Variants in PPP1R16B observed in about 807,000 individuals in gnomAD.
PPP1R16B encodes protein phosphatase 1 regulatory subunit 16B, also known as protein phosphatase 1 regulatory inhibitor subunit 16B.
Under a neutral mutation model 61.7 loss-of-function variants are expected in PPP1R16B, and 14 were observed. The observed-to-expected ratio is 0.23, with a 90% confidence interval of 0.15 to 0.35. PPP1R16B has a LOEUF of 0.35. Ranked by LOEUF, PPP1R16B falls within the 10% of genes least tolerant of loss-of-function variation. The pLI is 1.00. For missense variants in PPP1R16B, 547 were observed against 752.5 expected (o/e 0.73, Z 3.19); for synonymous variants, 266 against 305.3 (o/e 0.87, Z 1.34).
Position 38,835,812 on chromosome 20 carries a change from C to CT in PPP1R16B, c.-101-12dup. On this transcript the variant is annotated splice_polypyrimidine_tract_variant and intron_variant, in intron 1 of 10. Transcript: ENST00000299824. The stretch of plus-strand genomic sequence containing the variant: ...GACACATGTGTTCATCTGTGTCTCC[C>CT]TCCCTGCCACAGGCCACACCATGAG... 1 of 1,268,694 alleles carries CT rather than the reference C, an allele frequency of 7.9e-7. No individual in the cohort carries two copies. Among genetic ancestry groups the CT allele is most frequent in the South Asian group, 1.5e-5 (1 of 64,520 alleles). 78.6% of individuals were successfully genotyped at this position (1,268,694 alleles called of 1,614,324 possible). A position where few individuals can be genotyped will look rare whatever the true frequency, so the allele number is the denominator to read the frequency against.
intron 6 of PPP1R16B, among the ~76,000 whole-genome samples, chr20:38,903,960 C>T (rs1276632747): frequency 6.6e-6 from 1 of 152,220 alleles, no homozygotes; most frequent in African/African-American, 2.4e-5. Flanking sequence ...GTCGTAAGCA[C>T]TCAGCAGTCT....
chr20:38,883,552 G>A (rs2085219016), intron 2 of PPP1R16B, among the ~76,000 whole-genome samples: 1 of 152,226 alleles, frequency 6.6e-6, no homozygotes, highest in South Asian at 2.1e-4. Flanking sequence ...TGAGTGAGGA[G>A]GGCGGGAGCC....
intron 2 of PPP1R16B, among the ~76,000 whole-genome samples, chr20:38,862,797 C>T (rs572715411): frequency 6.6e-6 from 1 of 152,322 alleles, no homozygotes; most frequent in African/African-American, 2.4e-5. Context: ...GGGTTCCTTC[C>T]CTGCTCTCCT....
chr20:38,905,398 T>C (rs79971572), intron 6 of PPP1R16B, among the ~76,000 whole-genome samples: 3,180 of 152,340 alleles, frequency 0.021, 52 homozygotes, highest in Non-Finnish European at 0.035. Flanking sequence ...CTCACCTCTT[T>C]AGGACCTCTC....
In PPP1R16B at chr20:38,919,179, G is replaced by A. The variant is rs1209114828; in HGVS notation, c.*513G>A. The A allele has an allele frequency of 6.5e-6, 1 of 153,030 alleles. No homozygotes were observed. The highest frequency in any genetic ancestry group is 6.5e-5 in the Admixed American group (1 of 15,298). 9.5% of individuals were successfully genotyped at this position (153,030 alleles called of 1,614,324 possible). A position where few individuals can be genotyped will look rare whatever the true frequency, so the allele number is the denominator to read the frequency against. On this transcript the variant is annotated 3_prime_UTR_variant, in exon 11 of 11. Coordinates refer to ENST00000299824, the MANE Select transcript of PPP1R16B (RefSeq NM_015568.4). ...GCCAATGTGGTTTTAGCAGGGGAGG[G>A]GACCTGCTAAGCTGAGACCCATAGT...
intron 2 of PPP1R16B, among the ~76,000 whole-genome samples, chr20:38,871,036 C>T (rs1386493780): frequency 6.6e-6 from 1 of 152,162 alleles, no homozygotes; most frequent in Non-Finnish European, 1.5e-5. Context: ...ATCTCCCTGA[C>T]CCGTGTGTAC....
intron 2 of PPP1R16B, among the ~76,000 whole-genome samples, chr20:38,868,288 T>C (rs998222595): frequency 2.6e-5 from 4 of 152,116 alleles, no homozygotes; most frequent in African/African-American, 9.7e-5. Flanking sequence ...TGAGCTAAGC[T>C]CATGCCTTTT....
chr20:38,899,098 C>T (rs190438976), intron 4 of PPP1R16B, among the ~76,000 whole-genome samples: 29 of 152,234 alleles, frequency 1.9e-4, no homozygotes, highest in African/African-American at 5.5e-4. Flanking sequence ...CTTGGCAGAG[C>T]GGCAGGAGCC....
chr20:38,888,923 ACACACC>A (rs1452377549), intron 2 of PPP1R16B, among the ~76,000 whole-genome samples: 1 of 142,676 alleles, frequency 7.0e-6, no homozygotes, highest in Admixed American at 7.2e-5. Context: ...ACACACACAC[ACACACC>A]CCTAGACAAA....
In PPP1R16B at chr20:38,895,616, G is replaced by T; in HGVS notation, c.373G>T (p.Ala125Ser). The T allele has an allele frequency of 6.2e-7, 1 of 1,613,728 alleles. No homozygotes were observed. The highest frequency in any genetic ancestry group is 8.5e-7 in the Non-Finnish European group (1 of 1,179,658). ...EIVKLLLSHG[A>S]NVNAKDNELW... ...TGTGAAGCTGCTCCTCTCCCATGGT[G>T]CCAATGTGAACGCCAAGGACAACGA... Residue 125 changes from alanine to serine, a missense_variant, in exon 4 of 11, where the codon GCC (alanine) becomes TCC (serine). Coordinates refer to ENST00000299824, the MANE Select transcript of PPP1R16B (RefSeq NM_015568.4).
chr20:38,871,681 G>A (rs2085130968), intron 2 of PPP1R16B, among the ~76,000 whole-genome samples: 1 of 148,014 alleles, frequency 6.8e-6, no homozygotes. Context: ...AAGGAAGGAG[G>A]GAGGGAGGGA....
intron 2 of PPP1R16B, among the ~76,000 whole-genome samples, chr20:38,837,858 G>C (rs1268350420): frequency 6.6e-6 from 1 of 152,060 alleles, no homozygotes; most frequent in Non-Finnish European, 1.5e-5. Flanking sequence ...TATGTTTCCA[G>C]ATTTTATGGA....
intron 2 of PPP1R16B, among the ~76,000 whole-genome samples, chr20:38,839,802 T>C (rs1474973): frequency 0.53 from 81,189 of 152,080 alleles, 21,763 homozygotes; most frequent in South Asian, 0.6. Flanking sequence ...TAGTATGGAT[T>C]ACCAGAATTT....
intron 1 of PPP1R16B, among the ~76,000 whole-genome samples, chr20:38,824,768 C>T (rs1339942559): frequency 1.3e-5 from 2 of 152,248 alleles, no homozygotes; most frequent in African/African-American, 2.4e-5. Context: ...GGCGGCCACG[C>T]CTGTAATCCC....
chr20:38,896,451 C>T (rs2085350287), intron 4 of PPP1R16B, among the ~76,000 whole-genome samples: 1 of 151,660 alleles, frequency 6.6e-6, no homozygotes, highest in South Asian at 2.1e-4. Context: ...CCTCAGTTCC[C>T]CTTTACTCTC....
At position 38,854,445 on chromosome 20, in the gene PPP1R16B, C is replaced by A. The variant is rs192374071; in HGVS notation, c.250+18270C>A. 1.9e-4 allele frequency among the ~76,000 whole-genome samples: 29 copies of A among 152,228 alleles called. No homozygotes were observed. The East Asian group carries it at 5.4e-3, about 28-fold the overall frequency. On this transcript the variant is annotated intron_variant, in intron 2 of 10. Coordinates refer to ENST00000299824, the MANE Select transcript of PPP1R16B (RefSeq NM_015568.4). ...ACAGAAACAGGAGTAGAAAAATAAT[C>A]ATCAGCCAGATGGAAGAAATTATTA...
intron 2 of PPP1R16B, among the ~76,000 whole-genome samples, chr20:38,854,595 A>G (rs1011982090): frequency 2.6e-5 from 4 of 152,238 alleles, no homozygotes; most frequent in African/African-American, 9.6e-5. Flanking sequence ...GTGGACCTTG[A>G]AGGTTAAGAA....
At chr20:38,876,239 C>T (rs145508003) in intron 2 of PPP1R16B, among the ~76,000 whole-genome samples, 211 of 152,186 alleles carry the variant, frequency 1.4e-3, no homozygotes, top group African/African-American at 4.6e-3. Flanking sequence ...TCCCAAAGTG[C>T]TTGGATTACA....
At chr20:38,891,792 A>C (rs1425185621) in intron 3 of PPP1R16B, among the ~76,000 whole-genome samples, 1 of 148,178 alleles carries the variant, frequency 6.7e-6, no homozygotes, top group African/African-American at 2.5e-5. Context: ...ACAGAGTGAG[A>C]CTCTGTCTCA....
Sources: allele counts gnomAD v4.1 joint callset (sites outside exome capture counted in the v4.1 genomes callset), GRCh38; gene constraint gnomAD v4.1.1; transcripts MANE v1.5; gene names NCBI Gene and HGNC (gene_info 2026-07-23, HGNC 2026-07-21).